CEACAM8: variants seen among roughly 807,000 people sequenced by gnomAD.
The protein encoded by CEACAM8 is cell adhesion molecule CEACAM8.
In CEACAM8, 31 loss-of-function variants were observed where a neutral mutation model predicts 33.4. That is an observed-to-expected ratio of 0.93 (90% confidence interval 0.70 to 1.25). The LOEUF is 1.25. Among genes scored for constraint, CEACAM8 ranks in the 50% most tolerant of loss-of-function variants. The probability of loss-of-function intolerance (pLI) is 0.00; values close to 1 mark genes in which losing one functional copy is unlikely to be tolerated. For missense variants in CEACAM8, 388 were observed against 434.6 expected (o/e 0.89, Z 0.95); for synonymous variants, 138 against 164.5 (o/e 0.84, Z 1.23).
At chr19:42,581,702 C>G (rs2042258489) in intron 5 of CEACAM8, among the ~76,000 whole-genome samples, 1 of 150,486 alleles carries the variant, frequency 6.6e-6, no homozygotes, top group Admixed American at 6.6e-5. Context: ...CCAGCCTGAC[C>G]AACATGGTGA....
chr19:42,583,572 C>G (rs1282540562), intron 4 of CEACAM8, among the ~76,000 whole-genome samples: 1 of 152,180 alleles, frequency 6.6e-6, no homozygotes, highest in South Asian at 2.1e-4. Context: ...CCTGGCATTT[C>G]TTTACTCAGA....
At chr19:42,581,934 T>TAC (rs2042267276) in intron 5 of CEACAM8, among the ~76,000 whole-genome samples, 1 of 107,268 alleles carries the variant, frequency 9.3e-6, no homozygotes, top group Non-Finnish European at 1.8e-5. Flanking sequence ...TATATATATA[T>TAC]ATATATATAT....
At chr19:42,581,876 G>A (rs1276392802) in intron 5 of CEACAM8, among the ~76,000 whole-genome samples, 22 of 100,258 alleles carry the variant, frequency 2.2e-4, no homozygotes, top group Admixed American at 6.0e-4. Context: ...GCGACGGAGC[G>A]AGACTCCGTC....
rs1007632257 is a variant in CEACAM8 at position 42,581,160 on chromosome 19, T to C, written c.*234A>G. ...TGAAATTCATGTTTTTTTCCTTCTG[T>C]GTTTTGGTGGGCAACTTCACAAAGG... is the stretch of plus-strand genomic sequence containing the variant. On this transcript the variant is annotated 3_prime_UTR_variant, in exon 6 of 6. Coordinates refer to ENST00000244336, the MANE Select transcript of CEACAM8 (RefSeq NM_001816.4). 6.6e-6 allele frequency: 1 copy of C among 152,010 alleles called. No individual in the cohort carries two copies. Among genetic ancestry groups the C allele is most frequent in the Non-Finnish European group, 1.5e-5 (1 of 67,986 alleles). 9.4% of individuals were successfully genotyped at this position (152,010 alleles called of 1,614,324 possible).
chr19:42,593,419 G>A (rs1401287704), intron 2 of CEACAM8, 122 bp downstream of exon 2: 5 of 1,314,122 alleles, frequency 3.8e-6, no homozygotes, highest in Non-Finnish European at 5.2e-6. Context: ...TGCACTAAAT[G>A]TCCAAACCCT....
At chr19:42,585,130 A>G (rs1234815109) in intron 4 of CEACAM8, among the ~76,000 whole-genome samples, 1 of 152,102 alleles carries the variant, frequency 6.6e-6, no homozygotes, top group Non-Finnish European at 1.5e-5. Context: ...CCCTGTCTCT[A>G]CAAAATTAAA....
intron 5 of CEACAM8, among the ~76,000 whole-genome samples, chr19:42,581,614 G>C (rs2042257358): frequency 6.6e-6 from 1 of 152,016 alleles, no homozygotes; most frequent in Non-Finnish European, 1.5e-5. Context: ...AAGTAAGGCT[G>C]GGCGTGGTGG....
intron 4 of CEACAM8, among the ~76,000 whole-genome samples, chr19:42,586,477 T>G (rs1241006490): frequency 6.6e-6 from 1 of 152,182 alleles, no homozygotes; most frequent in East Asian, 1.9e-4. Flanking sequence ...CCAATACCAC[T>G]CAATGGGGAA....
In CEACAM8 at chr19:42,589,135, C is replaced by A. The variant is rs1460589524; in HGVS notation, c.704-97G>T. On this transcript the variant is annotated intron_variant, in intron 3 of 5. Transcript: ENST00000244336. ...CACAGTGTCCCTCTGAGCCAAGTCA[C>A]AAACCTGAGCCAAGTCCCAACCAAC... 24 of 1,465,984 alleles carry A rather than the reference C, an allele frequency of 1.6e-5. No homozygotes were observed. In the South Asian group the frequency reaches 2.8e-4, roughly 17 times the overall value. The allele number at this position is 1,465,984 out of a possible 1,614,324, so 90.8% of individuals were successfully genotyped here.
rs139611602 is a variant in CEACAM8 at position 42,583,326 on chromosome 19, G to A, written c.970C>T (p.Gln324Ter). The A allele has an allele frequency of 1.6e-5, 26 of 1,609,508 alleles. No homozygotes were observed. Among genetic ancestry groups the A allele is most frequent in the Non-Finnish European group, 1.8e-5 (21 of 1,176,164 alleles). ...RMITVSDALVQGSSPGLSARA... is the reference protein window; with the variant it reads ...RMITVSDALV Reference sequence around the variant, plus strand: ...GCTGAGAGGCCAGGAGAACTTCCTTGTACTAAAGCATCTGTCATGGAAAGA... The same window carrying A: ...GCTGAGAGGCCAGGAGAACTTCCTTATACTAAAGCATCTGTCATGGAAAGA... Residue 324 changes from glutamine (Q) to a stop codon, truncating the protein, a stop_gained, in exon 5 of 6, where the codon CAA (glutamine) becomes TAA (stop). Coordinates refer to ENST00000244336, the MANE Select transcript of CEACAM8 (RefSeq NM_001816.4). LOFTEE classifies it high-confidence loss of function.
At chr19:42,584,102 T>A (rs1437477443) in intron 4 of CEACAM8, among the ~76,000 whole-genome samples, 1 of 152,138 alleles carries the variant, frequency 6.6e-6, no homozygotes, top group African/African-American at 2.4e-5. Flanking sequence ...TCTTTGCACT[T>A]AGCTTTTTTT....
intron 4 of CEACAM8, among the ~76,000 whole-genome samples, chr19:42,588,182 T>C (rs1185819167): frequency 6.6e-6 from 1 of 152,148 alleles, no homozygotes; most frequent in African/African-American, 2.4e-5. Context: ...GAGGCTTGGC[T>C]TCAACTGGCA....
intron 2 of CEACAM8, among the ~76,000 whole-genome samples, chr19:42,590,548 G>A (rs2042418771): frequency 6.6e-6 from 1 of 152,198 alleles, no homozygotes; most frequent in South Asian, 2.1e-4. Flanking sequence ...GTGGGGAGGG[G>A]GAGCCTGAAG....
At chr19:42,581,888 C>CAAAAAA (rs71298757) in intron 5 of CEACAM8, among the ~76,000 whole-genome samples, 4 of 13,886 alleles carry the variant, frequency 2.9e-4, no homozygotes, top group East Asian at 4.2e-3. Context: ...GACTCCGTCT[C>CAAAAAA]AAAAAAAAAA....
chr19:42,594,025 A>T (rs1217454626), intron 1 of CEACAM8, 125 bp from the exon 2 acceptor site: 7 of 1,015,462 alleles, frequency 6.9e-6, no homozygotes, highest in Non-Finnish European at 1.0e-5. Flanking sequence ...TACTGAGTCA[A>T]TGTCAGCAGC....
rs1240191514 is a variant in CEACAM8, at chr19:42,580,435, T to C, written c.*959A>G. On this transcript the variant is annotated 3_prime_UTR_variant, in exon 6 of 6. Coordinates refer to ENST00000244336, the MANE Select transcript of CEACAM8 (RefSeq NM_001816.4). Reference sequence around the variant, plus strand: ...ACTAAAGGATCTCATACGTAAAAATTTGGGGTTGACACGATAGATTAGACA... The same window carrying C: ...ACTAAAGGATCTCATACGTAAAAATCTGGGGTTGACACGATAGATTAGACA... 2 of 152,194 alleles carry C rather than the reference T, an allele frequency of 1.3e-5. No homozygotes were observed. Among genetic ancestry groups the C allele is most frequent in the Admixed American group, 6.5e-5 (1 of 15,274 alleles). 9.4% of individuals were successfully genotyped at this position (152,194 alleles called of 1,614,324 possible). A position where few individuals can be genotyped will look rare whatever the true frequency, so the allele number is the denominator to read the frequency against.
At chr19:42,582,782 G>A (rs1422844447) in intron 5 of CEACAM8, among the ~76,000 whole-genome samples, 1 of 152,174 alleles carries the variant, frequency 6.6e-6, no homozygotes, top group East Asian at 1.9e-4. Context: ...ATAGGCCAGA[G>A]TAGGCCTCTG....
At chr19:42,584,954 G>T (rs2042310291) in intron 4 of CEACAM8, among the ~76,000 whole-genome samples, 1 of 152,078 alleles carries the variant, frequency 6.6e-6, no homozygotes, top group Admixed American at 6.6e-5. Context: ...CCATTAACTA[G>T]ACTGACTAAG....
intron 2 of CEACAM8, among the ~76,000 whole-genome samples, chr19:42,590,687 G>C (rs1321449370): frequency 6.6e-6 from 1 of 152,166 alleles, no homozygotes; most frequent in East Asian, 1.9e-4. Context: ...TGACAGGACA[G>C]ATACTGTAGG....
Sources: allele counts gnomAD v4.1 joint callset (sites outside exome capture counted in the v4.1 genomes callset), GRCh38; gene constraint gnomAD v4.1.1; transcripts MANE v1.5; gene names NCBI Gene and HGNC (gene_info 2026-07-23, HGNC 2026-07-21).